Variants in TNFRSF11A observed in about 807,000 individuals in gnomAD.
TNFRSF11A encodes TNF receptor superfamily member 11a.
TNFRSF11A carries 32 observed loss-of-function variants against 55.7 expected under a neutral mutation model. The ratio of observed to expected loss-of-function variants is 0.57; its 90% CI spans 0.43 to 0.77. The LOEUF is 0.77. TNFRSF11A is among the 30% of genes least tolerant of loss of function. The pLI is 0.00. For synonymous variants in TNFRSF11A, 311 were observed against 331.0 expected (o/e 0.94, Z 0.65); for missense variants, 753 against 809.8 (o/e 0.93, Z 0.85).
intron 1 of TNFRSF11A, among the ~76,000 whole-genome samples, chr18:62,346,858 C>T (rs905286794): frequency 6.6e-6 from 1 of 152,214 alleles, no homozygotes; most frequent in African/African-American, 2.4e-5. Context: ...AGATGAAGCC[C>T]TCCCCTGACT....
chr18:62,348,109 C>G, intron 1 of TNFRSF11A, 59 bp from the exon 2 acceptor site: 2 of 1,276,226 alleles, frequency 1.6e-6, no homozygotes, highest in Non-Finnish European at 2.3e-6. Flanking sequence ...TTTGTTTTAC[C>G]TAGTTTTATC....
chr18:62,349,772 G>T (rs1024710790), intron 2 of TNFRSF11A, 40 bp from the exon 3 acceptor site: 4 of 1,612,118 alleles, frequency 2.5e-6, no homozygotes, highest in Admixed American at 1.7e-5. Flanking sequence ...TTTTTGTTTG[G>T]TTTTTTGATG....
In TNFRSF11A at chr18:62,325,321, A is replaced by C; in HGVS notation, c.-32A>C. 1 of 990,500 alleles carries C rather than the reference A, an allele frequency of 1.0e-6. No individual in the cohort carries two copies. Among genetic ancestry groups the C allele is most frequent in the Non-Finnish European group, 1.2e-6 (1 of 830,218 alleles). 61.4% of individuals were successfully genotyped at this position (990,500 alleles called of 1,614,324 possible). ...GCCCGCTGGGCCACAGAGGCCGCTGAGGCCGCGGCGCCCGCCAGCCTGTCC... is the reference window on the plus strand; with the variant it reads ...GCCCGCTGGGCCACAGAGGCCGCTGCGGCCGCGGCGCCCGCCAGCCTGTCC... On this transcript the variant is annotated 5_prime_UTR_variant, in exon 1 of 10. Coordinates refer to ENST00000586569, the MANE Select transcript of TNFRSF11A (RefSeq NM_003839.4). This position sits in a 1 kb window ranked among gnomAD's most constrained non-coding sequence, Gnocchi z 4.7.
chr18:62,380,855 G>T (rs1911236343), intron 9 of TNFRSF11A, among the ~76,000 whole-genome samples: 1 of 149,924 alleles, frequency 6.7e-6, no homozygotes. Flanking sequence ...AGGCTGGAGT[G>T]CAGTGGCATG....
In TNFRSF11A at chr18:62,387,243, C is replaced by T. The variant is rs1270170679; in HGVS notation, c.*2209C>T. ...TTTCCTGCACTGATCCCTACTAATT[C>T]TATATTGATCCAAAGGCAACTCAAT... is the stretch of plus-strand genomic sequence containing the variant. On this transcript the variant is annotated 3_prime_UTR_variant, in exon 10 of 10. Transcript: ENST00000586569. 1 of 152,116 alleles carries T rather than the reference C, an allele frequency of 6.6e-6. No homozygotes were observed. The highest frequency in any genetic ancestry group is 6.5e-5 in the Admixed American group (1 of 15,272). The allele number at this position is 152,116 out of a possible 1,614,324, so 9.4% of individuals were successfully genotyped here.
chr18:62,372,205 G>T (rs1169183198), intron 9 of TNFRSF11A, among the ~76,000 whole-genome samples: 1 of 152,144 alleles, frequency 6.6e-6, no homozygotes, highest in South Asian at 2.1e-4. Flanking sequence ...CAGTGAAGGG[G>T]GAAGCATACT....
chr18:62,351,002 C>CTTTTTTTTTTTTTTTTTTTTTTT (rs71160826), intron 3 of TNFRSF11A, among the ~76,000 whole-genome samples: 2 of 122,680 alleles, frequency 1.6e-5, no homozygotes, highest in Admixed American at 8.5e-5. Context: ...TTTTTTCTTT[C>CTTTTTTTTTTTTTTTTTTTTTTT]TTTTTTTTTT....
intron 9 of TNFRSF11A, among the ~76,000 whole-genome samples, chr18:62,372,154 G>T (rs1440721844): frequency 6.6e-6 from 1 of 152,144 alleles, no homozygotes; most frequent in Non-Finnish European, 1.5e-5. Context: ...TGTTAGCCAT[G>T]TTATAAGTCC....
Position 62,368,573 on chromosome 18 carries a change from C to CA in TNFRSF11A, c.784-127dup, listed in dbSNP as rs1425035410. Reference sequence around the variant, plus strand: ...TTGAAATAACACAAAGTTCCATAGTCAGTTTTCCATCTGTACTTGTTATGG... The same window carrying CA: ...TTGAAATAACACAAAGTTCCATAGTCAAGTTTTCCATCTGTACTTGTTATGG... On this transcript the variant is annotated intron_variant, in intron 8 of 9. Transcript: ENST00000586569. 4 of 954,908 alleles carry CA rather than the reference C, an allele frequency of 4.2e-6. No individual in the cohort carries two copies. In the African/African-American group the frequency reaches 4.9e-5, roughly 12 times the overall value. The allele number at this position is 954,908 out of a possible 1,614,324, so 59.2% of individuals were successfully genotyped here.
chr18:62,360,103 G>C, intron 6 of TNFRSF11A, 54 bp downstream of exon 6: 1 of 1,475,462 alleles, frequency 6.8e-7, no homozygotes, highest in Non-Finnish European at 9.5e-7. Flanking sequence ...GTGGTCAGCT[G>C]GTTTAGATCC....
rs1911599554 is a variant in TNFRSF11A at position 62,384,934 on chromosome 18, ACGGCCCGCG to A, written c.1753_1761del (p.Gly585_Arg587del). ...GCGCGCCGAGACTCCTTCGCGGGGAACGGCCCGCGCTTCCCGGACCCGTGCGGCGGCCCC... is the reference window on the plus strand; with the variant it reads ...GCGCGCCGAGACTCCTTCGCGGGGAACTTCCCGGACCCGTGCGGCGGCCCC... On this transcript the variant is annotated inframe_deletion, in exon 10 of 10. Coordinates refer to ENST00000586569, the MANE Select transcript of TNFRSF11A (RefSeq NM_003839.4). 2 of 1,544,996 alleles carry A rather than the reference ACGGCCCGCG, an allele frequency of 1.3e-6. No homozygotes were observed. The highest frequency in any genetic ancestry group is 3.9e-5 in the Admixed American group (2 of 51,230).
At chr18:62,358,631 T>G (rs1215577616) in intron 5 of TNFRSF11A, among the ~76,000 whole-genome samples, 3 of 152,256 alleles carry the variant, frequency 2.0e-5, no homozygotes, top group Non-Finnish European at 4.4e-5. Context: ...ATTTATAACA[T>G]TTATTCAGTG....
intron 1 of TNFRSF11A, among the ~76,000 whole-genome samples, chr18:62,345,909 C>T (rs2046375840): frequency 6.6e-6 from 1 of 152,122 alleles, no homozygotes; most frequent in Non-Finnish European, 1.5e-5. Flanking sequence ...GTGTAAAGCT[C>T]CTGAGTTGGA....
chr18:62,384,464 C>T (rs1200576380), intron 9 of TNFRSF11A, among the ~76,000 whole-genome samples: 4 of 144,528 alleles, frequency 2.8e-5, no homozygotes, highest in Non-Finnish European at 6.0e-5. Context: ...CTCTTCCTAG[C>T]CCTCTCCTCC....
At chr18:62,381,040 A>C (rs1911252426) in intron 9 of TNFRSF11A, among the ~76,000 whole-genome samples, 1 of 152,046 alleles carries the variant, frequency 6.6e-6, no homozygotes, top group African/African-American at 2.4e-5. Flanking sequence ...CCTGGGCTTA[A>C]GCATTCACCC....
chr18:62,369,432 G>C lies in TNFRSF11A; in HGVS notation c.1515G>C (p.Ala505=). Reference sequence around the variant, plus strand: ...CTGATGGGAGGCTCCCAAGCTCAGCGAGGGCAGGTGCCGGGTCTGGAAGCT... The same window carrying C: ...CTGATGGGAGGCTCCCAAGCTCAGCCAGGGCAGGTGCCGGGTCTGGAAGCT... The part of the protein sequence containing the change: ...DGADGRLPSS[A]RAGAGSGSSP... The change falls in exon 9 of 10, where the codon GCG becomes GCC. Residue 505 remains alanine (A), a synonymous_variant. Transcript: ENST00000586569. 4 of 1,610,824 alleles carry C rather than the reference G, an allele frequency of 2.5e-6. No homozygotes were observed. The highest frequency in any genetic ancestry group is 3.4e-6 in the Non-Finnish European group (4 of 1,180,034).
At chr18:62,341,673 G>A (rs931115756) in intron 1 of TNFRSF11A, among the ~76,000 whole-genome samples, 1 of 152,144 alleles carries the variant, frequency 6.6e-6, no homozygotes, top group East Asian at 1.9e-4. Flanking sequence ...AAGGTCTTCA[G>A]CTTTGAATTG....
chr18:62,351,002 CTTT>C (rs71160826), intron 3 of TNFRSF11A, among the ~76,000 whole-genome samples: 1 of 122,668 alleles, frequency 8.2e-6, no homozygotes, highest in Non-Finnish European at 1.7e-5. Flanking sequence ...TTTTTTCTTT[CTTT>C]TTTTTTTTTT....
rs146979350 is a variant in TNFRSF11A at position 62,332,405 on chromosome 18, C to T, written c.75+6978C>T. 1.1e-4 allele frequency among the ~76,000 whole-genome samples: 17 copies of T among 152,326 alleles called. No individual in the cohort carries two copies. The East Asian group carries it at 3.1e-3, about 28-fold the overall frequency. On this transcript the variant is annotated intron_variant, in intron 1 of 9. Transcript: ENST00000586569. ...TCTCTCAACTTCATAGTCAGATATA[C>T]AAGCAGGATCACATCTAACACTTTC...
Sources: allele counts gnomAD v4.1 joint callset (sites outside exome capture counted in the v4.1 genomes callset), GRCh38; gene constraint gnomAD v4.1.1; non-coding constraint Gnocchi (gnomAD v3.1); transcripts MANE v1.5; gene names NCBI Gene and HGNC (gene_info 2026-07-23, HGNC 2026-07-21).